Variants in SEPTIN11 observed in about 807,000 individuals in gnomAD.
The protein encoded by SEPTIN11 is septin-11.
A neutral mutation model predicts 51.4 loss-of-function variants in SEPTIN11; 25 were observed. The ratio of observed to expected loss-of-function variants is 0.49; its 90% CI spans 0.35 to 0.68. The LOEUF is 0.68. SEPTIN11 is among the 30% of genes least tolerant of loss of function. The probability of loss-of-function intolerance (pLI) is 0.00; values close to 1 mark genes in which losing one functional copy is unlikely to be tolerated. For synonymous variants in SEPTIN11, 174 were observed against 184.1 expected (o/e 0.95, Z 0.44); for missense variants, 381 against 520.8 (o/e 0.73, Z 2.61).
At chr4:77,004,510 A>G (rs1724343194) in intron 2 of SEPTIN11, among the ~76,000 whole-genome samples, 1 of 152,220 alleles carries the variant, frequency 6.6e-6, no homozygotes, top group Non-Finnish European at 1.5e-5. Context: ...GGTTGAGTGC[A>G]GGTGTTGGAA....
intron 8 of SEPTIN11, 149 bp downstream of exon 8, chr4:77,028,910 C>A: frequency 2.5e-6 from 2 of 784,374 alleles, no homozygotes; most frequent in Non-Finnish European, 2.0e-6. Context: ...GAAAATGGGT[C>A]AGATATTCTC....
At chr4:76,990,287 T>C (rs1337607617) in intron 1 of SEPTIN11, among the ~76,000 whole-genome samples, 2 of 152,128 alleles carry the variant, frequency 1.3e-5, no homozygotes, top group African/African-American at 4.8e-5. Context: ...TGGTGCATTT[T>C]ATAATCCTCT....
intron 8 of SEPTIN11, 39 bp downstream of exon 8, chr4:77,028,800 GA>G: frequency 6.3e-7 from 1 of 1,579,566 alleles, no homozygotes; most frequent in Non-Finnish European, 8.6e-7. Context: ...AGATTTGTAA[GA>G]GAGAGATTTT....
chr4:77,038,467 A>AT lies in SEPTIN11; in HGVS notation c.*3961dup. 2.0e-6 allele frequency: 2 copies of AT among 985,940 alleles called. No individual in the cohort carries two copies. Among genetic ancestry groups the AT allele is most frequent in the African/African-American group, 3.5e-5 (2 of 57,364 alleles). The allele number at this position is 985,940 out of a possible 1,614,324, so 61.1% of individuals were successfully genotyped here. A position where few individuals can be genotyped will look rare whatever the true frequency, so the allele number is the denominator to read the frequency against. On this transcript the variant is annotated 3_prime_UTR_variant, in exon 10 of 10. Transcript: ENST00000264893. ...TAATTGTATTGATGTGAAGCATATCATTTTTTCAAATATGAAAGTGATCAC... is the reference window on the plus strand; with the variant it reads ...TAATTGTATTGATGTGAAGCATATCATTTTTTTCAAATATGAAAGTGATCAC...
chr4:76,989,663 C>T (rs952745549), intron 1 of SEPTIN11, among the ~76,000 whole-genome samples: 13 of 152,310 alleles, frequency 8.5e-5, no homozygotes, highest in African/African-American at 2.9e-4. Flanking sequence ...AACAATGGAC[C>T]GCATATACAA....
At chr4:76,977,394 T>C (rs1232437797) in intron 1 of SEPTIN11, among the ~76,000 whole-genome samples, 1 of 152,176 alleles carries the variant, frequency 6.6e-6, no homozygotes, top group East Asian at 1.9e-4. Flanking sequence ...TGTAAAGGAA[T>C]GTGAGTGTAA....
In SEPTIN11 at chr4:77,034,894, C is replaced by G. The variant is rs986430053; in HGVS notation, c.*382C>G. The G allele has an allele frequency of 4.0e-6, 4 of 1,000,650 alleles. No homozygotes were observed. The South Asian group carries it at 1.4e-4, about 35-fold the overall frequency. 62.0% of individuals were successfully genotyped at this position (1,000,650 alleles called of 1,614,324 possible). On this transcript the variant is annotated 3_prime_UTR_variant, in exon 10 of 10. Coordinates refer to ENST00000264893, the MANE Select transcript of SEPTIN11 (RefSeq NM_018243.4). The stretch of plus-strand genomic sequence containing the variant: ...CCGCCTCAGCAGCTGAACTAAAAAC[C>G]TGAATAGCCATGACAAGAGTTTGCA...
chr4:76,997,485 C>A (rs1723805079), intron 2 of SEPTIN11, among the ~76,000 whole-genome samples: 1 of 152,132 alleles, frequency 6.6e-6, no homozygotes, highest in Non-Finnish European at 1.5e-5. Flanking sequence ...TTTTTAAAAA[C>A]TTCTTGAACT....
At chr4:77,005,522 AAT>A in intron 2 of SEPTIN11, 77 bp from the exon 3 acceptor site, 1 of 1,261,422 alleles carries the variant, frequency 7.9e-7, no homozygotes, top group East Asian at 2.4e-5. Context: ...AATCATGACT[AAT>A]AAAAAATACT....
intron 7 of SEPTIN11, 96 bp from the exon 8 acceptor site, chr4:77,028,533 C>G: frequency 1.5e-6 from 2 of 1,324,434 alleles, no homozygotes; most frequent in South Asian, 1.5e-5. Flanking sequence ...GCAGCTTTAT[C>G]TATGTTTTGA....
intron 1 of SEPTIN11, among the ~76,000 whole-genome samples, chr4:76,952,258 T>C (rs191867009): frequency 6.2e-4 from 94 of 152,296 alleles, no homozygotes; most frequent in African/African-American, 2.1e-3. Flanking sequence ...ATTTCTTATC[T>C]AGTCTGTGAT....
At chr4:77,016,655 T>TATATATATATATATATATACAC (rs1553975019) in intron 5 of SEPTIN11, among the ~76,000 whole-genome samples, 3 of 109,022 alleles carry the variant, frequency 2.8e-5, no homozygotes, top group African/African-American at 1.0e-4. Context: ...TATATATATA[T>TATATATATATATATATATACAC]ACACATATAT....
chr4:77,012,903 A>G (rs187047770), intron 4 of SEPTIN11, among the ~76,000 whole-genome samples: 70 of 152,234 alleles, frequency 4.6e-4, no homozygotes, highest in African/African-American at 1.6e-3. Context: ...CAGCTAGAGT[A>G]CTCTTCGCAG....
At chr4:77,016,524 A>T (rs1725243384) in intron 5 of SEPTIN11, among the ~76,000 whole-genome samples, 1 of 144,774 alleles carries the variant, frequency 6.9e-6, no homozygotes, top group Non-Finnish European at 1.5e-5. Context: ...TATATTTTGT[A>T]TTATTGTTTT....
At chr4:76,995,085 T>TAA (rs34406268) in intron 1 of SEPTIN11, among the ~76,000 whole-genome samples, 1 of 137,098 alleles carries the variant, frequency 7.3e-6, no homozygotes. Flanking sequence ...ACCCTGTCTC[T>TAA]AAAAAAAAAA....
In SEPTIN11 at chr4:76,949,824, G is replaced by T; in HGVS notation, c.-80G>T. On this transcript the variant is annotated 5_prime_UTR_variant, in exon 1 of 10. The change creates a premature stop within an existing upstream ORF in the 5' untranslated region. Coordinates refer to ENST00000264893, the MANE Select transcript of SEPTIN11 (RefSeq NM_018243.4). ...GCCGCGAGGGAGGCGCGAGGGAGGC[G>T]AGCCGGAGCCCGAGCACTAGCAGCA... 1.4e-6 allele frequency: 2 copies of T among 1,450,332 alleles called. No homozygotes were observed. Among genetic ancestry groups the T allele is most frequent in the Non-Finnish European group, 1.8e-6 (2 of 1,085,408 alleles). 89.8% of individuals were successfully genotyped at this position (1,450,332 alleles called of 1,614,324 possible).
intron 1 of SEPTIN11, among the ~76,000 whole-genome samples, chr4:76,976,539 A>G (rs984559453): frequency 6.6e-6 from 1 of 152,192 alleles, no homozygotes; most frequent in African/African-American, 2.4e-5. Context: ...TCTCCTTTCC[A>G]CTAGATAATA....
intron 8 of SEPTIN11, 126 bp downstream of exon 8, chr4:77,028,887 C>A: frequency 1.0e-6 from 1 of 981,850 alleles, no homozygotes; most frequent in Non-Finnish European, 1.4e-6. Flanking sequence ...GAGTGACCTG[C>A]CAACCTGGCC....
intron 2 of SEPTIN11, among the ~76,000 whole-genome samples, chr4:77,003,258 C>T (rs1042297516): frequency 1.3e-5 from 2 of 152,168 alleles, no homozygotes; most frequent in African/African-American, 4.8e-5. Context: ...GCCTTGAGGT[C>T]AGGGACCTAG....
Sources: gnomAD v4.1 joint callset for allele counts (sites outside exome capture counted in the v4.1 genomes callset) on GRCh38, gnomAD v4.1.1 for gene constraint, MANE v1.5 for transcripts, NCBI Gene and HGNC (gene_info 2026-07-23, HGNC 2026-07-21) for gene names.